The following TENT5C variants were observed in gnomAD, a reference collection of about 807,000 sequenced individuals.
TENT5C encodes the protein terminal nucleotidyltransferase 5C.
Under a neutral mutation model 22.2 loss-of-function variants are expected in TENT5C, and 5 were observed. The observed-to-expected ratio is 0.22, with a 90% CI of 0.12 to 0.47. TENT5C has a LOEUF of 0.47. Among genes scored for constraint, TENT5C ranks in the 20% least tolerant of loss-of-function variants. The pLI, the probability that TENT5C is intolerant of heterozygous loss-of-function variation, is 0.99. For synonymous variants in TENT5C, 199 were observed against 195.4 expected (o/e 1.02, Z -0.15); for missense variants, 364 against 500.9 (o/e 0.73, Z 2.61).
intron 1 of TENT5C, among the ~76,000 whole-genome samples, chr1:117,617,405 T>TAAAG (rs1653811602): frequency 6.6e-6 from 1 of 150,848 alleles, no homozygotes; most frequent in Non-Finnish European, 1.5e-5. Context: ...TTCCCTTCAG[T>TAAAG]GTGTGTATTC....
rs1653967283 is a variant in TENT5C, at chr1:117,624,319, A to G, written c.*275A>G. ...TTTCCAAGATAGACACTAACATGTC[A>G]TGTCCCAAACATTAGCACGTGGGGG... On this transcript the variant is annotated 3_prime_UTR_variant, in exon 2 of 2. Coordinates refer to ENST00000369448, the MANE Select transcript of TENT5C (RefSeq NM_017709.4). 2.2e-6 allele frequency: 1 copy of G among 445,168 alleles called. No homozygotes were observed. The highest frequency in any genetic ancestry group is 3.5e-5 in the East Asian group (1 of 28,340). 27.6% of individuals were successfully genotyped at this position (445,168 alleles called of 1,614,324 possible).
chr1:117,606,528 C>A (rs1653539123), intron 1 of TENT5C, among the ~76,000 whole-genome samples: 1 of 152,186 alleles, frequency 6.6e-6, no homozygotes, highest in Non-Finnish European at 1.5e-5. Context: ...GTGTGATCGG[C>A]GCCTCCGCTC....
chr1:117,611,308 GCTAGAGCTAGCACCGCTGCTATCT>G (rs1338466100), intron 1 of TENT5C, among the ~76,000 whole-genome samples: 1 of 152,224 alleles, frequency 6.6e-6, no homozygotes, highest in Non-Finnish European at 1.5e-5. Context: ...CAGCTGCTCA[GCTAGAGCTAGCACCGCTGCTATCT>G]CCTGTGCCCA....
At position 117,624,078 on chromosome 1, in the gene TENT5C, C is replaced by G. The variant is rs752363696; in HGVS notation, c.*34C>G. ...CCTGAGGGTTTCCACAGTGGGAACCCCAATAGGGCTAGGGCTCTCAGGTAG... is the reference window on the plus strand; with the variant it reads ...CCTGAGGGTTTCCACAGTGGGAACCGCAATAGGGCTAGGGCTCTCAGGTAG... On this transcript the variant is annotated 3_prime_UTR_variant, in exon 2 of 2. Coordinates refer to ENST00000369448, the MANE Select transcript of TENT5C (RefSeq NM_017709.4). 7.0e-6 allele frequency: 11 copies of G among 1,562,772 alleles called. No homozygotes were observed. Among genetic ancestry groups the G allele is most frequent in the Non-Finnish European group, 6.1e-6 (7 of 1,148,610 alleles).
rs562495138 is a variant in TENT5C, at chr1:117,627,980, A to T, written c.*3936A>T. 8.9e-5 allele frequency: 22 copies of T among 248,088 alleles called. No homozygotes were observed. The East Asian group carries it at 1.3e-3, about 15-fold the overall frequency. The allele number at this position is 248,088 out of a possible 1,614,324, so 15.4% of individuals were successfully genotyped here. A position where few individuals can be genotyped will look rare whatever the true frequency, so the allele number is the denominator to read the frequency against. On this transcript the variant is annotated 3_prime_UTR_variant, in exon 2 of 2. Transcript: ENST00000369448. ...CCTGGGCTAGTGAGAGTTGGTGCAA[A>T]TTCTTGTGTGTGTTTGCATAGGAAG...
rs1330859588 is a variant in TENT5C, at chr1:117,606,076, T to G, written c.-105T>G. On this transcript the variant is annotated 5_prime_UTR_variant, in exon 1 of 2. Transcript: ENST00000369448. ...TCACTCGGTGCCGCTGCCTAGGGGC[T>G]GTAGAGGTCGCGCCGCTCCTGCTGG... 6.6e-6 allele frequency: 1 copy of G among 152,238 alleles called. No individual in the cohort carries two copies. The highest frequency in any genetic ancestry group is 2.1e-4 in the South Asian group (1 of 4,830). The allele number at this position is 152,238 out of a possible 1,614,324, so 9.4% of individuals were successfully genotyped here. A position where few individuals can be genotyped will look rare whatever the true frequency, so the allele number is the denominator to read the frequency against.
chr1:117,612,720 A>C (rs1183363313), intron 1 of TENT5C, among the ~76,000 whole-genome samples: 1 of 152,258 alleles, frequency 6.6e-6, no homozygotes, highest in Non-Finnish European at 1.5e-5. Flanking sequence ...AATGGAGGTC[A>C]GCTCACACTT....
chr1:117,621,554 G>A (rs923737748), intron 1 of TENT5C, among the ~76,000 whole-genome samples: 4 of 152,140 alleles, frequency 2.6e-5, no homozygotes, highest in Non-Finnish European at 5.9e-5. Flanking sequence ...TGGCACCGGT[G>A]CAAGGCCAGA....
At chr1:117,610,068 TTC>T (rs956625964) in intron 1 of TENT5C, among the ~76,000 whole-genome samples, 11 of 152,080 alleles carry the variant, frequency 7.2e-5, no homozygotes, top group Admixed American at 1.3e-4. Flanking sequence ...ACTCAGCCTT[TTC>T]TCTCTCTCTG....
At chr1:117,612,616 G>A (rs1324376241) in intron 1 of TENT5C, among the ~76,000 whole-genome samples, 4 of 152,132 alleles carry the variant, frequency 2.6e-5, no homozygotes, top group Admixed American at 6.5e-5. Flanking sequence ...CTGGAGGCCC[G>A]GAACCTGCAA....
At chr1:117,616,023 T>C (rs1159228578) in intron 1 of TENT5C, among the ~76,000 whole-genome samples, 1 of 152,198 alleles carries the variant, frequency 6.6e-6, no homozygotes, top group Admixed American at 6.5e-5. Context: ...CACATGTGGG[T>C]TGTGACATGT....
intron 1 of TENT5C, among the ~76,000 whole-genome samples, chr1:117,613,766 G>A (rs961400264): frequency 7.9e-5 from 12 of 152,136 alleles, no homozygotes; most frequent in Admixed American, 6.5e-4. Context: ...AGAATGAGAC[G>A]CTGGCTGAAT....
rs1570853690 is a variant in TENT5C, at chr1:117,607,311, G to A, written c.-28+1158G>A. Among the ~76,000 whole-genome samples the A allele has an allele frequency of 2.0e-5, 3 of 152,096 alleles. No homozygotes were observed. In the South Asian group the frequency reaches 6.2e-4, roughly 32 times the overall value. On this transcript the variant is annotated intron_variant, in intron 1 of 1. Coordinates refer to ENST00000369448, the MANE Select transcript of TENT5C (RefSeq NM_017709.4). ...TTTGTCCATAGGTAGGCTTTTGTAGGGCTCTAACCAGTTCCCTGGCTTAAT... is the reference window on the plus strand; with the variant it reads ...TTTGTCCATAGGTAGGCTTTTGTAGAGCTCTAACCAGTTCCCTGGCTTAAT...
rs573530048 is a variant in TENT5C at position 117,626,288 on chromosome 1, G to GT, written c.*2250dup. 2 of 247,714 alleles carry GT rather than the reference G, an allele frequency of 8.1e-6. No individual in the cohort carries two copies. The highest frequency in any genetic ancestry group is 1.8e-4 in the South Asian group (1 of 5,524). The allele number at this position is 247,714 out of a possible 1,614,324, so 15.3% of individuals were successfully genotyped here. ...TGTCCTTGGGGTTCTTTCTGCTTAT[G>GT]TTTTTTCCCCCCCATCTGGTAATAG... On this transcript the variant is annotated 3_prime_UTR_variant, in exon 2 of 2. Coordinates refer to ENST00000369448, the MANE Select transcript of TENT5C (RefSeq NM_017709.4).
chr1:117,615,812 A>G (rs1014571855), intron 1 of TENT5C, among the ~76,000 whole-genome samples: 24 of 152,228 alleles, frequency 1.6e-4, no homozygotes, highest in African/African-American at 5.3e-4. Context: ...CTTAACTGGA[A>G]TCTGCACAAA....
chr1:117,609,274 T>C lies in TENT5C; in HGVS notation c.-28+3121T>C, dbSNP rs78346100. 4.0e-3 allele frequency among the ~76,000 whole-genome samples: 616 copies of C among 152,342 alleles called. 4 individuals are homozygous for C. The Middle Eastern group carries it at 0.048, about 12-fold the overall frequency. On this transcript the variant is annotated intron_variant, in intron 1 of 1. Transcript: ENST00000369448. ...TCAAATAGTTTAGAGGAAGCATCTT[T>C]ATATAGTTCAACTAGGTAAGGAAGC...
intron 1 of TENT5C, among the ~76,000 whole-genome samples, chr1:117,618,804 C>T (rs977454711): frequency 6.6e-6 from 1 of 152,200 alleles, no homozygotes; most frequent in African/African-American, 2.4e-5. Flanking sequence ...GTATTTGGTA[C>T]AGACTAAAAC....
rs1653976554 is a variant in TENT5C at position 117,624,878 on chromosome 1, TA to T, written c.*837del. 4.0e-6 allele frequency: 1 copy of T among 247,974 alleles called. No homozygotes were observed. The highest frequency in any genetic ancestry group is 6.0e-5 in the East Asian group (1 of 16,562). The allele number at this position is 247,974 out of a possible 1,614,324, so 15.4% of individuals were successfully genotyped here. A position where few individuals can be genotyped will look rare whatever the true frequency, so the allele number is the denominator to read the frequency against. The stretch of plus-strand genomic sequence containing the variant: ...ATTTTTTTCTTTAAAGAATTCTTAT[TA>T]AATGGCTCCCTGCCTTTTTTTTCTT... On this transcript the variant is annotated 3_prime_UTR_variant, in exon 2 of 2. Coordinates refer to ENST00000369448, the MANE Select transcript of TENT5C (RefSeq NM_017709.4).
At chr1:117,612,928 T>C (rs1044785197) in intron 1 of TENT5C, among the ~76,000 whole-genome samples, 1 of 152,216 alleles carries the variant, frequency 6.6e-6, no homozygotes, top group African/African-American at 2.4e-5. Context: ...GATGGTAAAG[T>C]AGCCTGTGGA....
Sources: gnomAD v4.1 joint callset for allele counts (sites outside exome capture counted in the v4.1 genomes callset) on GRCh38, gnomAD v4.1.1 for gene constraint, MANE v1.5 for transcripts, NCBI Gene and HGNC (gene_info 2026-07-23, HGNC 2026-07-21) for gene names.